The following SLC41A2 variants were observed in gnomAD, a reference collection of about 807,000 sequenced individuals.
SLC41A2 encodes SLC41A1-like 1.
In SLC41A2, 32 loss-of-function variants were observed where a neutral mutation model predicts 58.3. The ratio of observed to expected loss-of-function variants is 0.55; its 90% CI spans 0.41 to 0.74. The LOEUF is 0.74. Among genes scored for constraint, SLC41A2 ranks in the 30% least tolerant of loss-of-function variants. SLC41A2 has a pLI of 0.00. For missense variants in SLC41A2, 514 were observed against 680.6 expected, an observed-to-expected ratio of 0.76 and a Z score of 2.72; for synonymous variants, 190 against 235.0, an observed-to-expected ratio of 0.81 and a Z score of 1.75.
At chr12:104,940,598 C>CTT (rs1269784094) in intron 1 of SLC41A2, among the ~76,000 whole-genome samples, 3 of 143,852 alleles carry the variant, frequency 2.1e-5, no homozygotes, top group African/African-American at 7.6e-5. Flanking sequence ...CTTTTATCTC[C>CTT]TTTTTTTTTT....
intron 3 of SLC41A2, among the ~76,000 whole-genome samples, chr12:104,899,682 T>C (rs1003320297): frequency 6.6e-6 from 1 of 152,286 alleles, no homozygotes; most frequent in African/African-American, 2.4e-5. Flanking sequence ...CTCTTGCGTA[T>C]GAGATTTCTT....
chr12:104,878,589 T>C (rs2044184865), intron 6 of SLC41A2, among the ~76,000 whole-genome samples: 1 of 152,080 alleles, frequency 6.6e-6, no homozygotes, highest in Non-Finnish European at 1.5e-5. Flanking sequence ...TGCAACAGTT[T>C]GCTCAGAATG....
chr12:104,907,858 A>G (rs891464960), intron 3 of SLC41A2, among the ~76,000 whole-genome samples: 13 of 152,214 alleles, frequency 8.5e-5, no homozygotes, highest in African/African-American at 3.1e-4. Flanking sequence ...GAGCTCACTA[A>G]TACCAGATAT....
At chr12:104,915,947 A>G (rs984054371) in intron 2 of SLC41A2, among the ~76,000 whole-genome samples, 9 of 152,204 alleles carry the variant, frequency 5.9e-5, no homozygotes, top group South Asian at 2.1e-4. Context: ...ATGTCCCATC[A>G]ATACCTAACT....
At chr12:104,838,368 T>C (rs1246519883) in intron 10 of SLC41A2, among the ~76,000 whole-genome samples, 1 of 152,220 alleles carries the variant, frequency 6.6e-6, no homozygotes, top group Non-Finnish European at 1.5e-5. Flanking sequence ...TTATAAGTTT[T>C]GTCATGAGGG....
intron 10 of SLC41A2, among the ~76,000 whole-genome samples, chr12:104,808,866 T>C (rs948429189): frequency 1.3e-5 from 2 of 152,238 alleles, no homozygotes; most frequent in African/African-American, 4.8e-5. Context: ...GAGGTGTTTA[T>C]AGTATTCTCT....
chr12:104,887,547 A>G (rs949003814), intron 5 of SLC41A2, among the ~76,000 whole-genome samples: 8 of 152,000 alleles, frequency 5.3e-5, no homozygotes, highest in African/African-American at 1.7e-4. Flanking sequence ...ATTGAAAAAG[A>G]AAAAAAGCTA....
Position 104,909,770 on chromosome 12 carries a change from A to C in SLC41A2, c.556-8T>G, listed in dbSNP as rs2045999068. The C allele has an allele frequency of 6.6e-7, 1 of 1,524,292 alleles. No homozygotes were observed. Among genetic ancestry groups the C allele is most frequent in the African/African-American group, 1.4e-5 (1 of 69,340 alleles). The allele number at this position is 1,524,292 out of a possible 1,614,324, so 94.4% of individuals were successfully genotyped here. A position where few individuals can be genotyped will look rare whatever the true frequency, so the allele number is the denominator to read the frequency against. ...TCTGAACACCTCCCAGTGCTGTAAGAAAAAAAATAAAATAAAATTTTCTGG... is the reference window on the plus strand; with the variant it reads ...TCTGAACACCTCCCAGTGCTGTAAGCAAAAAAATAAAATAAAATTTTCTGG... On this transcript the variant is annotated splice_region_variant and splice_polypyrimidine_tract_variant and intron_variant, in intron 2 of 10. Transcript: ENST00000258538.
At chr12:104,953,210 T>C (rs777366891) in intron 1 of SLC41A2, among the ~76,000 whole-genome samples, 4 of 152,206 alleles carry the variant, frequency 2.6e-5, no homozygotes, top group Non-Finnish European at 2.9e-5. Context: ...CTCAAAAGTG[T>C]CTAAGAGATT....
At chr12:104,805,728 T>G (rs948793189) in intron 10 of SLC41A2, among the ~76,000 whole-genome samples, 2 of 152,182 alleles carry the variant, frequency 1.3e-5, no homozygotes, top group Admixed American at 6.6e-5. Context: ...AGTCTCCTGC[T>G]GCAGGTATAT....
intron 10 of SLC41A2, among the ~76,000 whole-genome samples, chr12:104,826,403 C>G (rs1297912178): frequency 6.6e-6 from 1 of 152,166 alleles, no homozygotes; most frequent in East Asian, 1.9e-4. Context: ...AAGGCAATCC[C>G]GACCTTTGCC....
At chr12:104,813,158 G>A (rs898873607) in intron 10 of SLC41A2, among the ~76,000 whole-genome samples, 84 of 151,634 alleles carry the variant, frequency 5.5e-4, no homozygotes, top group Non-Finnish European at 2.6e-4. Context: ...CAGCCTGGGC[G>A]ACAGAGCAAG....
At chr12:104,810,408 TTATAA>T (rs761567878) in intron 10 of SLC41A2, among the ~76,000 whole-genome samples, 14 of 152,284 alleles carry the variant, frequency 9.2e-5, no homozygotes, top group Admixed American at 2.6e-4. Flanking sequence ...ATATTACATA[TTATAA>T]TATTACATGT....
At chr12:104,828,730 AAAT>A (rs1428848934) in intron 10 of SLC41A2, among the ~76,000 whole-genome samples, 1 of 152,188 alleles carries the variant, frequency 6.6e-6, no homozygotes, top group Non-Finnish European at 1.5e-5. Context: ...TTAAAAATGA[AAAT>A]AAAAAGACAA....
intron 4 of SLC41A2, among the ~76,000 whole-genome samples, chr12:104,892,743 A>G (rs1465496461): frequency 6.6e-6 from 1 of 152,220 alleles, no homozygotes; most frequent in African/African-American, 2.4e-5. Flanking sequence ...TGCCAAGAAT[A>G]TACACTGAGG....
chr12:104,874,079 T>G (rs1194498622), intron 6 of SLC41A2, among the ~76,000 whole-genome samples: 1 of 149,518 alleles, frequency 6.7e-6, no homozygotes, highest in African/African-American at 2.5e-5. Context: ...GTTTGTTTTT[T>G]TTTTTTTTTT....
At chr12:104,934,987 C>G (rs531921829) in intron 1 of SLC41A2, among the ~76,000 whole-genome samples, 2 of 152,166 alleles carry the variant, frequency 1.3e-5, no homozygotes, top group African/African-American at 4.8e-5. Flanking sequence ...GATAGAGTTT[C>G]GTTCTTGTTG....
intron 1 of SLC41A2, among the ~76,000 whole-genome samples, chr12:104,945,114 G>A (rs545074019): frequency 6.7e-6 from 1 of 149,246 alleles, no homozygotes; most frequent in South Asian, 2.1e-4. Flanking sequence ...AGGTTGCAGT[G>A]AGCCGAGATC....
chr12:104,853,714 T>TGTATGTAC (rs1464649328), intron 8 of SLC41A2, among the ~76,000 whole-genome samples: 1,795 of 124,132 alleles, frequency 0.014, 53 homozygotes, highest in African/African-American at 0.072. Context: ...AATAAATGTA[T>TGTATGTAC]GTATGTATGT....
Sources: gnomAD v4.1 joint callset for allele counts (sites outside exome capture counted in the v4.1 genomes callset) on GRCh38, gnomAD v4.1.1 for gene constraint, MANE v1.5 for transcripts, NCBI Gene and HGNC (gene_info 2026-07-23, HGNC 2026-07-21) for gene names.